Variants in XKR6 observed in about 807,000 individuals in gnomAD.
The protein encoded by XKR6 is XK-related protein 6.
In XKR6, 22 loss-of-function variants were observed where a neutral mutation model predicts 56.7. That is an observed-to-expected ratio of 0.39 (90% CI 0.28 to 0.55). XKR6 has a LOEUF of 0.55. Among genes scored for constraint, XKR6 ranks in the 20% least tolerant of loss-of-function variants. The pLI is 0.66. For synonymous variants in XKR6, 524 were observed against 387.8 expected, an observed-to-expected ratio of 1.35 and a Z score of -4.13; for missense variants, 852 against 889.0, an observed-to-expected ratio of 0.96 and a Z score of 0.53.
intron 1 of XKR6, among the ~76,000 whole-genome samples, chr8:11,079,983 A>C (rs1487736328): frequency 1.3e-5 from 2 of 152,060 alleles, no homozygotes; most frequent in Non-Finnish European, 2.9e-5. Flanking sequence ...ATAAATAAAT[A>C]AATACATAAA....
intron 2 of XKR6, among the ~76,000 whole-genome samples, chr8:10,912,863 A>G: frequency 8.1e-6 from 1 of 124,208 alleles, no homozygotes; most frequent in South Asian, 2.5e-4. Context: ...GGGTGTGTGT[A>G]TAGATAGAGA....
At chr8:10,906,711 T>C (rs948587343) in intron 2 of XKR6, among the ~76,000 whole-genome samples, 5 of 152,184 alleles carry the variant, frequency 3.3e-5, no homozygotes, top group African/African-American at 9.7e-5. Context: ...CTTTAATGCA[T>C]CTCTGACATC....
intron 1 of XKR6, among the ~76,000 whole-genome samples, chr8:11,135,100 T>C (rs1200100301): frequency 6.6e-6 from 1 of 151,858 alleles, no homozygotes; most frequent in South Asian, 2.1e-4. Context: ...TGGCACGATC[T>C]TGGCTCACTG....
At chr8:10,919,934 T>A (rs117183051) in intron 2 of XKR6, among the ~76,000 whole-genome samples, 55 of 152,330 alleles carry the variant, frequency 3.6e-4, no homozygotes, top group East Asian at 2.5e-3. Context: ...AATAATTGTA[T>A]GATATATTAC....
At chr8:11,120,624 T>C (rs995236800) in intron 1 of XKR6, among the ~76,000 whole-genome samples, 3 of 152,174 alleles carry the variant, frequency 2.0e-5, no homozygotes, top group East Asian at 1.9e-4. Context: ...AGGTAATTTA[T>C]AGATTCAATG....
chr8:10,913,782 A>G (rs11250089), intron 2 of XKR6, among the ~76,000 whole-genome samples: 25,242 of 152,212 alleles, frequency 0.17, 2,345 homozygotes, highest in African/African-American at 0.2. Context: ...GGAAGGCTGC[A>G]GAGGTTCCCG....
intron 2 of XKR6, among the ~76,000 whole-genome samples, chr8:10,903,404 A>G (rs1800096924): frequency 6.6e-6 from 1 of 152,084 alleles, no homozygotes. Context: ...AACCCTCCCC[A>G]ACTGTGCACC....
chr8:11,125,374 C>A (rs1307416689), intron 1 of XKR6, among the ~76,000 whole-genome samples: 3 of 152,138 alleles, frequency 2.0e-5, no homozygotes, highest in Non-Finnish European at 4.4e-5. Context: ...TTTAGGTGTG[C>A]TCAGGTTATT....
At chr8:11,168,599 T>G (rs891877839) in intron 1 of XKR6, among the ~76,000 whole-genome samples, 1 of 152,204 alleles carries the variant, frequency 6.6e-6, no homozygotes, top group Non-Finnish European at 1.5e-5. Flanking sequence ...CACATTCTTC[T>G]AAAGTTTACA....
At chr8:11,123,753 A>T (rs1392536504) in intron 1 of XKR6, 1 of 430,506 alleles carries the variant, frequency 2.3e-6, no homozygotes, top group Non-Finnish European at 4.7e-6. Context: ...ACCCCGGGAA[A>T]AAAAAACAAA....
chr8:11,008,205 T>C (rs1227114339), intron 1 of XKR6, among the ~76,000 whole-genome samples: 1 of 152,168 alleles, frequency 6.6e-6, no homozygotes, highest in Non-Finnish European at 1.5e-5. Flanking sequence ...CCAATCTCTC[T>C]AGCTTGTCTT....
At chr8:11,134,787 G>A (rs1225230164) in intron 1 of XKR6, among the ~76,000 whole-genome samples, 1 of 151,766 alleles carries the variant, frequency 6.6e-6, no homozygotes, top group Non-Finnish European at 1.5e-5. Context: ...TGTATTCCGT[G>A]GTGTTATTTG....
chr8:10,926,175 C>T lies in XKR6; in HGVS notation c.765-1345G>A, dbSNP rs571930814. The stretch of plus-strand genomic sequence containing the variant: ...GGCCTCAGGTATTACCAAGAACACA[C>T]TCAGGGCTGCCGGATGGTCTGTTCT... On this transcript the variant is annotated intron_variant, in intron 1 of 2. Coordinates refer to ENST00000416569, the MANE Select transcript of XKR6 (RefSeq NM_173683.4). 2.0e-5 allele frequency among the ~76,000 whole-genome samples: 3 copies of T among 152,326 alleles called. No individual in the cohort carries two copies. The East Asian group carries it at 5.8e-4, about 29-fold the overall frequency.
intron 2 of XKR6, among the ~76,000 whole-genome samples, chr8:10,918,445 C>T (rs1300042786): frequency 6.6e-6 from 1 of 152,234 alleles, no homozygotes; most frequent in African/African-American, 2.4e-5. Context: ...GTGTACTGGA[C>T]TTGACAGTCC....
intron 1 of XKR6, chr8:11,123,987 C>A (rs1329826762): frequency 2.2e-6 from 1 of 456,066 alleles, no homozygotes; most frequent in Non-Finnish European, 4.4e-6. Context: ...CTGCCGTGAG[C>A]AGCCTCTCTA....
chr8:10,998,419 C>T (rs775443609), intron 1 of XKR6, among the ~76,000 whole-genome samples: 15 of 152,158 alleles, frequency 9.9e-5, no homozygotes, highest in Non-Finnish European at 2.1e-4. Flanking sequence ...TAAAAATAGC[C>T]CAAATTCCTA....
Position 10,911,823 on chromosome 8 carries a change from G to C in XKR6, c.961+12811C>G, listed in dbSNP as rs552597036. 3.3e-5 allele frequency among the ~76,000 whole-genome samples: 5 copies of C among 150,752 alleles called. No individual in the cohort carries two copies. The East Asian group carries it at 7.8e-4, about 24-fold the overall frequency. On this transcript the variant is annotated intron_variant, in intron 2 of 2. Coordinates refer to ENST00000416569, the MANE Select transcript of XKR6 (RefSeq NM_173683.4). Reference sequence around the variant, plus strand: ...ATGTATGTATATATACAGAGGGTGAGTATGTGTATATATAGAAAGGGAGGG... The same window carrying C: ...ATGTATGTATATATACAGAGGGTGACTATGTGTATATATAGAAAGGGAGGG...
At chr8:11,159,147 G>A (rs905585059) in intron 1 of XKR6, among the ~76,000 whole-genome samples, 1 of 152,214 alleles carries the variant, frequency 6.6e-6, no homozygotes, top group Non-Finnish European at 1.5e-5. Flanking sequence ...GTTTCAATGA[G>A]TTAATACACA....
At chr8:10,900,255 C>T (rs1000477546) in intron 2 of XKR6, among the ~76,000 whole-genome samples, 1 of 152,136 alleles carries the variant, frequency 6.6e-6, no homozygotes, top group Non-Finnish European at 1.5e-5. Flanking sequence ...GATACAGAAG[C>T]CCCATTCATC....
Sources: allele counts gnomAD v4.1 joint callset (sites outside exome capture counted in the v4.1 genomes callset), GRCh38; gene constraint gnomAD v4.1.1; transcripts MANE v1.5; gene names NCBI Gene and HGNC (gene_info 2026-07-23, HGNC 2026-07-21).